Variants in RHCE observed in about 807,000 individuals in gnomAD.
RHCE encodes blood group Rh(CE) polypeptide.
In RHCE, 22 loss-of-function variants were observed where a neutral mutation model predicts 43.8. The ratio of observed to expected loss-of-function variants is 0.50; its 90% CI spans 0.36 to 0.72. The LOEUF is 0.72. RHCE is among the 30% of genes least tolerant of loss of function. The pLI, the probability that RHCE is intolerant of heterozygous loss-of-function variation, is 0.00. For missense variants in RHCE, 385 were observed against 525.4 expected, an observed-to-expected ratio of 0.73 and a Z score of 2.61; for synonymous variants, 156 against 210.7, an observed-to-expected ratio of 0.74 and a Z score of 2.25.
chr1:25,413,435 C>G (rs1167375840), intron 1 of RHCE, among the ~76,000 whole-genome samples: 1 of 152,210 alleles, frequency 6.6e-6, no homozygotes, highest in African/African-American at 2.4e-5. Flanking sequence ...GCACTCACAT[C>G]AGCTGCTGGT....
intron 1 of RHCE, among the ~76,000 whole-genome samples, chr1:25,410,975 C>T (rs1647055643): frequency 6.6e-6 from 1 of 151,908 alleles, no homozygotes; most frequent in Admixed American, 6.6e-5. Flanking sequence ...ACCTGTAATC[C>T]CAGCTACTCG....
rs185322232 is a variant in RHCE, at chr1:25,403,529, C to A, written c.336-783G>T. 2.8e-3 allele frequency among the ~76,000 whole-genome samples: 416 copies of A among 150,526 alleles called. 3 individuals are homozygous for A. The highest frequency in any genetic ancestry group is 0.01 in the Middle Eastern group (3 of 290). On this transcript the variant is annotated intron_variant, in intron 2 of 9. Coordinates refer to ENST00000294413, the MANE Select transcript of RHCE (RefSeq NM_020485.8). ...GAAAATTATTTTGGTCTTGAAGGTT[C>A]TTATGATCCAAAAAAAAAAAAAATG...
chr1:25,387,551 G>A (rs1239668430), intron 6 of RHCE, among the ~76,000 whole-genome samples: 8 of 152,210 alleles, frequency 5.3e-5, no homozygotes, highest in African/African-American at 9.6e-5. Flanking sequence ...TGCGATGGGC[G>A]CTGAGCCTGA....
chr1:25,393,604 G>A (rs1469794685), intron 3 of RHCE, among the ~76,000 whole-genome samples: 3 of 150,702 alleles, frequency 2.0e-5, no homozygotes, highest in Admixed American at 1.3e-4. Flanking sequence ...TTCGGCGACA[G>A]AGTGAGACTG....
intron 1 of RHCE, among the ~76,000 whole-genome samples, chr1:25,417,741 ATACT>A (rs1251812980): frequency 1.3e-5 from 2 of 152,202 alleles, no homozygotes; most frequent in Non-Finnish European, 2.9e-5. Flanking sequence ...TAATGTAGTA[ATACT>A]TAAAGTGTAA....
intron 5 of RHCE, 93 bp downstream of exon 5, chr1:25,390,656 C>T: frequency 6.8e-7 from 1 of 1,464,442 alleles, no homozygotes. Context: ...TGCCCTCTCC[C>T]AACCCACGCT....
At chr1:25,379,474 TA>T (rs1645901555) in intron 7 of RHCE, among the ~76,000 whole-genome samples, 7 of 7,876 alleles carry the variant, frequency 8.9e-4, no homozygotes, top group African/African-American at 2.8e-3. Flanking sequence ...TATATATATA[TA>T]TATATATATA....
At chr1:25,369,158 G>A (rs1203104207) in intron 9 of RHCE, among the ~76,000 whole-genome samples, 1 of 151,752 alleles carries the variant, frequency 6.6e-6, no homozygotes, top group Non-Finnish European at 1.5e-5. Context: ...AAAAGAAGGG[G>A]CAGGGTCTCT....
intron 7 of RHCE, among the ~76,000 whole-genome samples, chr1:25,380,520 G>A (rs1406005609): frequency 6.6e-6 from 1 of 152,216 alleles, no homozygotes; most frequent in Non-Finnish European, 1.5e-5. Context: ...GGCTCTCTGG[G>A]GTGGCCGTTC....
At chr1:25,413,504 G>T (rs77667537) in intron 1 of RHCE, among the ~76,000 whole-genome samples, 2 of 152,230 alleles carry the variant, frequency 1.3e-5, no homozygotes, top group African/African-American at 2.4e-5. Flanking sequence ...TGTCCTACCC[G>T]GGCGCCCATG....
intron 3 of RHCE, among the ~76,000 whole-genome samples, chr1:25,400,029 C>G (rs2124465969): frequency 6.6e-6 from 1 of 152,240 alleles, no homozygotes; most frequent in Non-Finnish European, 1.5e-5. Flanking sequence ...GATGAACTGT[C>G]CCTGCATCGG....
rs746675514 is a variant in RHCE at position 25,385,824 on chromosome 1, C to T, written c.960G>A (p.Leu320=). The T allele has an allele frequency of 1.2e-6, 2 of 1,613,924 alleles. No individual in the cohort carries two copies. The highest frequency in any genetic ancestry group is 1.7e-5 in the Admixed American group (1 of 59,982). The change falls in exon 7 of 10, where the codon CTG becomes CTA. Residue 320 remains leucine, a synonymous_variant. Coordinates refer to ENST00000294413, the MANE Select transcript of RHCE (RefSeq NM_020485.8). ...GCATGACGGAGATGTGGTGAATCCC[C>T]AGCACTCGGTTACAACACACCTGTG... is the stretch of plus-strand genomic sequence containing the variant. ...KCLPVCCNRV[L]GIHHISVMHS... is the part of the protein sequence containing the mutation.
intron 8 of RHCE, among the ~76,000 whole-genome samples, 181 bp from the exon 9 acceptor site, chr1:25,370,721 C>CTATTT (rs71014358): frequency 0.42 from 59,425 of 141,200 alleles, 13,884 homozygotes; most frequent in Middle Eastern, 0.51. Context: ...ATTCTGTAGA[C>CTATTT]TATTTTATTT....
chr1:25,416,816 T>TGGC (rs1553161314), intron 1 of RHCE, among the ~76,000 whole-genome samples: 5 of 76,642 alleles, frequency 6.5e-5, no homozygotes, highest in African/African-American at 4.5e-4. Flanking sequence ...TTTTTAGAGA[T>TGGC]GGCGGGGGGG....
In RHCE at chr1:25,407,131, C is replaced by G. The variant is rs1294228584; in HGVS notation, c.335+1552G>C. Among the ~76,000 whole-genome samples the G allele has an allele frequency of 1.8e-4, 22 of 122,118 alleles. 5 individuals carry two copies. The highest frequency in any genetic ancestry group is 3.9e-4 in the Non-Finnish European group (21 of 53,670). The allele number at this position is 122,118 out of a possible 152,430, so 80.1% of individuals were successfully genotyped here. On this transcript the variant is annotated intron_variant, in intron 2 of 9. Coordinates refer to ENST00000294413, the MANE Select transcript of RHCE (RefSeq NM_020485.8). ...AGAGACAGGGTCTCACTGCGTTGCT[C>G]AGGCTGGTCTCAAACTCCTGGGCTC...
chr1:25,372,948 G>T (rs1645659747), intron 8 of RHCE, among the ~76,000 whole-genome samples: 1 of 151,572 alleles, frequency 6.6e-6, no homozygotes, highest in South Asian at 2.1e-4. Context: ...GGGACTACAG[G>T]TGTACCACCA....
chr1:25,391,908 AGGAG>A, intron 4 of RHCE, 82 bp downstream of exon 4: 2 of 1,595,002 alleles, frequency 1.3e-6, no homozygotes, highest in East Asian at 4.5e-5. Flanking sequence ...AAGTTGGTAA[AGGAG>A]GGAGATTTTT....
At chr1:25,385,044 G>T (rs1646108901) in intron 7 of RHCE, among the ~76,000 whole-genome samples, 1 of 152,112 alleles carries the variant, frequency 6.6e-6, no homozygotes. Flanking sequence ...GCCATGTCCA[G>T]AAAATATTCA....
Position 25,392,067 on chromosome 1 carries a change from C to A in RHCE, c.561G>T (p.Leu187=). The A allele has an allele frequency of 6.2e-7, 1 of 1,614,156 alleles. No individual in the cohort carries two copies. Among genetic ancestry groups the A allele is most frequent in the Non-Finnish European group, 8.5e-7 (1 of 1,180,028 alleles). ...AYFGLTVAWC[L]PKPLPKGTED... is the part of the protein sequence containing the mutation. ...CCGTTCCCTTGGGTAGAGGCTTTGG[C>A]AGGCACCAGGCCACAGTCAGCCCAA... Residue 187 remains leucine, a synonymous_variant, in exon 4 of 10, where the codon CTG becomes CTT. Transcript: ENST00000294413.
Sources: gnomAD v4.1 joint callset for allele counts (sites outside exome capture counted in the v4.1 genomes callset) on GRCh38, gnomAD v4.1.1 for gene constraint, MANE v1.5 for transcripts, NCBI Gene and HGNC (gene_info 2026-07-23, HGNC 2026-07-21) for gene names.